The following SLIT3 variants were observed in gnomAD, a reference collection of about 807,000 sequenced individuals.
SLIT3 encodes the protein slit homolog 3 protein.
In SLIT3, 68 loss-of-function variants were observed where a neutral mutation model predicts 184.0. The ratio of observed to expected loss-of-function variants is 0.37; its 90% CI spans 0.30 to 0.45. The LOEUF is 0.45. Among genes scored for constraint, SLIT3 ranks in the 20% least tolerant of loss-of-function variants. The pLI, the probability that SLIT3 is intolerant of heterozygous loss-of-function variation, is 1.00. For missense variants in SLIT3, 1,707 were observed against 2,026.0 expected, an observed-to-expected ratio of 0.84 and a Z score of 3.02; for synonymous variants, 831 against 828.6, an observed-to-expected ratio of 1.00 and a Z score of -0.05.
intron 3 of SLIT3, among the ~76,000 whole-genome samples, chr5:169,204,826 C>T (rs1283059701): frequency 6.6e-6 from 1 of 152,108 alleles, no homozygotes; most frequent in Non-Finnish European, 1.5e-5. Flanking sequence ...GGTGAGACAT[C>T]GCTGCTTAGG....
intron 4 of SLIT3, among the ~76,000 whole-genome samples, chr5:169,155,627 G>A (rs1762276552): frequency 6.6e-6 from 1 of 152,172 alleles, no homozygotes; most frequent in African/African-American, 2.4e-5. Flanking sequence ...GTAACCTGGG[G>A]GACTTGGCTC....
At chr5:168,691,400 C>T (rs996798692) in intron 29 of SLIT3, among the ~76,000 whole-genome samples, 5 of 152,220 alleles carry the variant, frequency 3.3e-5, no homozygotes, top group Non-Finnish European at 7.3e-5. Context: ...TGTTTAGAAT[C>T]ATAGTCACAA....
At chr5:168,907,979 T>TATATATAGAGAGAG (rs376418381) in intron 4 of SLIT3, among the ~76,000 whole-genome samples, 43 of 50,072 alleles carry the variant, frequency 8.6e-4, no homozygotes, top group Non-Finnish European at 9.8e-4. Context: ...TATATATATA[T>TATATATAGAGAGAG]AGAGAGAGAG....
chr5:169,145,147 G>T (rs1761884598), intron 4 of SLIT3, among the ~76,000 whole-genome samples: 2 of 152,156 alleles, frequency 1.3e-5, no homozygotes. Context: ...TCGTCATTAT[G>T]GTTGTAATTA....
At chr5:168,784,026 A>G (rs949007075) in intron 12 of SLIT3, among the ~76,000 whole-genome samples, 4 of 152,168 alleles carry the variant, frequency 2.6e-5, no homozygotes, top group African/African-American at 9.7e-5. Context: ...TTAAGTATAC[A>G]TGCACTGTGC....
intron 5 of SLIT3, among the ~76,000 whole-genome samples, chr5:168,860,382 G>C (rs1402876239): frequency 6.6e-6 from 1 of 152,180 alleles, no homozygotes; most frequent in East Asian, 1.9e-4. Flanking sequence ...AGGGATGCTT[G>C]ACTCTTTCAT....
chr5:169,295,351 A>C (rs2113665591), intron 1 of SLIT3, among the ~76,000 whole-genome samples: 1 of 152,384 alleles, frequency 6.6e-6, no homozygotes, highest in East Asian at 1.9e-4. Context: ...ACAGTTAAGA[A>C]ATCATAGAGG....
chr5:169,266,866 C>T (rs997760402), intron 1 of SLIT3, among the ~76,000 whole-genome samples: 81 of 152,256 alleles, frequency 5.3e-4, no homozygotes, highest in African/African-American at 1.8e-3. Flanking sequence ...ATAAACTGAT[C>T]CCCTAGGGTC....
chr5:168,971,190 A>T (rs1199435767), intron 4 of SLIT3, among the ~76,000 whole-genome samples: 1 of 152,258 alleles, frequency 6.6e-6, no homozygotes, highest in Non-Finnish European at 1.5e-5. Context: ...TGCACCATCT[A>T]GTGACCATTG....
In SLIT3 at chr5:168,699,107, C is replaced by T. The variant is rs182631864; in HGVS notation, c.2942+1475G>A. ...CATGTTTCCCTGCAGTTTCTTCTCA[C>T]CCCTGCTCTATGTGAGCCAGCAGGA... On this transcript the variant is annotated intron_variant, in intron 27 of 35. Transcript: ENST00000519560. 4.6e-3 allele frequency among the ~76,000 whole-genome samples: 698 copies of T among 152,342 alleles called. 10 individuals are homozygous for T. Among genetic ancestry groups the T allele is most frequent in the Non-Finnish European group, 3.7e-3 (251 of 68,040 alleles).
intron 3 of SLIT3, among the ~76,000 whole-genome samples, chr5:169,239,354 C>T (rs184636592): frequency 2.0e-5 from 3 of 151,972 alleles, no homozygotes; most frequent in Non-Finnish European, 2.9e-5. Context: ...GCTAAATAGA[C>T]AAATGTTCAT....
chr5:168,950,135 T>C (rs935437376), intron 4 of SLIT3, among the ~76,000 whole-genome samples: 3 of 151,866 alleles, frequency 2.0e-5, no homozygotes, highest in African/African-American at 7.3e-5. Context: ...GGGAGGTGAT[T>C]AGGTCATGAG....
intron 3 of SLIT3, among the ~76,000 whole-genome samples, chr5:169,238,884 T>C (rs1399355864): frequency 6.6e-6 from 1 of 152,200 alleles, no homozygotes; most frequent in Non-Finnish European, 1.5e-5. Context: ...CTCTCTTCTA[T>C]ATTTTGCAGC....
intron 1 of SLIT3, among the ~76,000 whole-genome samples, chr5:169,272,614 T>A (rs1581126893): frequency 6.6e-6 from 1 of 152,188 alleles, no homozygotes; most frequent in East Asian, 1.9e-4. Context: ...ATCGTGTCTC[T>A]CATTCACAGC....
At chr5:168,873,470 A>C (rs1366450154) in intron 5 of SLIT3, among the ~76,000 whole-genome samples, 1 of 151,860 alleles carries the variant, frequency 6.6e-6, no homozygotes, top group Non-Finnish European at 1.5e-5. Flanking sequence ...TCTCTACAAA[A>C]AAAAAAAAAA....
chr5:168,701,673 C>T (rs1239496954), intron 26 of SLIT3, among the ~76,000 whole-genome samples: 1 of 152,210 alleles, frequency 6.6e-6, no homozygotes, highest in East Asian at 1.9e-4. Context: ...ACTGACAGAC[C>T]AGTCTCACCC....
At chr5:168,777,207 T>C (rs1334611942) in intron 12 of SLIT3, among the ~76,000 whole-genome samples, 1 of 151,916 alleles carries the variant, frequency 6.6e-6, no homozygotes, top group African/African-American at 2.4e-5. Context: ...AGCCATGGAG[T>C]AGCTGCCCCC....
chr5:169,032,922 ATTT>A (rs199911562), intron 4 of SLIT3, among the ~76,000 whole-genome samples: 4,923 of 87,454 alleles, frequency 0.056, 52 homozygotes, highest in African/African-American at 0.09. Flanking sequence ...TTTTTCCTTG[ATTT>A]TTTTTTTTTT....
chr5:168,983,456 C>T (rs1755018766), intron 4 of SLIT3, among the ~76,000 whole-genome samples: 1 of 152,182 alleles, frequency 6.6e-6, no homozygotes, highest in Non-Finnish European at 1.5e-5. Context: ...TATCACAAAT[C>T]CTCAGTGGGA....
Sources: gnomAD v4.1 joint callset for allele counts (sites outside exome capture counted in the v4.1 genomes callset) on GRCh38, gnomAD v4.1.1 for gene constraint, MANE v1.5 for transcripts, NCBI Gene and HGNC (gene_info 2026-07-23, HGNC 2026-07-21) for gene names.